Variants in MEF2A observed in about 807,000 individuals in gnomAD.
MEF2A encodes the protein myocyte-specific enhancer factor 2A.
A neutral mutation model predicts 55.8 loss-of-function variants in MEF2A; 28 were observed. The ratio of observed to expected loss-of-function variants is 0.50; its 90% CI spans 0.37 to 0.69. MEF2A has a LOEUF of 0.69. MEF2A is among the 30% of genes least tolerant of loss of function. The pLI is 0.00. For synonymous variants in MEF2A, 239 were observed against 227.1 expected (o/e 1.05, Z -0.47); for missense variants, 528 against 626.2 (o/e 0.84, Z 1.67).
chr15:99,586,768 A>C (rs1421072102), intron 1 of MEF2A, among the ~76,000 whole-genome samples: 1 of 152,142 alleles, frequency 6.6e-6, no homozygotes, highest in African/African-American at 2.4e-5. Context: ...TCAAACTATA[A>C]AACTTTGAGA....
At chr15:99,660,319 C>T (rs1032666914) in intron 4 of MEF2A, among the ~76,000 whole-genome samples, 5 of 152,074 alleles carry the variant, frequency 3.3e-5, no homozygotes, top group African/African-American at 1.2e-4. Flanking sequence ...TCAGAATGAC[C>T]CATTTTCTCT....
chr15:99,661,687 T>G (rs2048667073), intron 4 of MEF2A, among the ~76,000 whole-genome samples: 1 of 152,068 alleles, frequency 6.6e-6, no homozygotes, highest in South Asian at 2.1e-4. Flanking sequence ...CAGGTAGGAA[T>G]GCATATTGAT....
intron 1 of MEF2A, among the ~76,000 whole-genome samples, chr15:99,576,163 T>C (rs527469337): frequency 6.6e-6 from 1 of 152,346 alleles, no homozygotes; most frequent in South Asian, 2.1e-4. Context: ...TTCATTGTTT[T>C]AGAGCCTTTT....
intron 10 of MEF2A, 24 bp downstream of exon 10, chr15:99,706,879 G>C: frequency 3.1e-6 from 5 of 1,608,672 alleles, no homozygotes; most frequent in Non-Finnish European, 4.3e-6. Context: ...GGTGCCTTCC[G>C]TAGGTTTTAC....
At chr15:99,651,045 G>A (rs2046767043) in intron 4 of MEF2A, among the ~76,000 whole-genome samples, 1 of 152,160 alleles carries the variant, frequency 6.6e-6, no homozygotes, top group African/African-American at 2.4e-5. Context: ...CAAAGAGCAA[G>A]CACAAACTGT....
At chr15:99,686,142 T>C (rs977199288) in intron 7 of MEF2A, among the ~76,000 whole-genome samples, 2 of 152,214 alleles carry the variant, frequency 1.3e-5, no homozygotes, top group African/African-American at 4.8e-5. Flanking sequence ...GGTGAGTGTG[T>C]TGAAGACAGC....
rs780027711 is a variant in MEF2A, at chr15:99,712,668, G to A, written c.1415G>A (p.Arg472Gln). The A allele has an allele frequency of 8.3e-6, 13 of 1,557,326 alleles. No homozygotes were observed. Among genetic ancestry groups the A allele is most frequent in the African/African-American group, 1.4e-5 (1 of 73,234 alleles). Residue 472 changes from arginine to glutamine, a missense_variant, in exon 12 of 12, where the codon CGG becomes CAG. By Grantham distance (43) the Arg-to-Gln change is conservative. Around this residue, in one of 2 missense-constraint regions of MEF2A, gnomAD observed 450 missense variants for 475.3 expected, o/e 0.95. Coordinates refer to ENST00000557942, the MANE Select transcript of MEF2A (RefSeq NM_001319206.4). The surrounding 1 kb of genome is among the most constrained non-coding windows in gnomAD (Gnocchi z 4.1). ...SYDGSDREDP[R>Q]GDFHSPIVLG... ...GATGGCAGTGATCGGGAGGATCCAC[G>A]GGGCGACTTCCATTCTCCAATTGTG...
intron 1 of MEF2A, among the ~76,000 whole-genome samples, chr15:99,568,525 A>T (rs573717212): frequency 6.6e-6 from 1 of 152,354 alleles, no homozygotes; most frequent in East Asian, 1.9e-4. Context: ...GGAATATTGA[A>T]TTATATTCTG....
chr15:99,702,263 T>G (rs115596813), intron 8 of MEF2A, among the ~76,000 whole-genome samples: 283 of 152,274 alleles, frequency 1.9e-3, no homozygotes, highest in African/African-American at 5.2e-3. Context: ...CAGAGAAACC[T>G]TCTTCCAGAT....
chr15:99,580,465 T>G (rs1965604726), intron 1 of MEF2A, among the ~76,000 whole-genome samples: 1 of 152,196 alleles, frequency 6.6e-6, no homozygotes, highest in Admixed American at 6.5e-5. Flanking sequence ...CTTTTAGTTA[T>G]GAAAAGACAT....
At chr15:99,686,091 A>ATTT (rs899162917) in intron 7 of MEF2A, among the ~76,000 whole-genome samples, 59 of 151,976 alleles carry the variant, frequency 3.9e-4, no homozygotes, top group African/African-American at 1.3e-3. Flanking sequence ...TTTCTAGTAT[A>ATTT]TTTTTCCACC....
intron 1 of MEF2A, among the ~76,000 whole-genome samples, chr15:99,577,601 A>G (rs1964704882): frequency 6.6e-6 from 1 of 152,238 alleles, no homozygotes; most frequent in Non-Finnish European, 1.5e-5. Context: ...CCAGGAAAGT[A>G]ATACTGGTAT....
At chr15:99,575,206 C>T (rs1963890749) in intron 1 of MEF2A, among the ~76,000 whole-genome samples, 1 of 152,094 alleles carries the variant, frequency 6.6e-6, no homozygotes, top group Admixed American at 6.6e-5. Flanking sequence ...TAATATTGAT[C>T]TTATTGTTTA....
chr15:99,702,429 CTTTTTTTTTT>C (rs11429799), intron 8 of MEF2A, among the ~76,000 whole-genome samples: 1 of 134,348 alleles, frequency 7.4e-6, no homozygotes, highest in East Asian at 2.2e-4. Context: ...AAAAATGTTT[CTTTTTTTTTT>C]TTTTTTTGGA....
intron 9 of MEF2A, among the ~76,000 whole-genome samples, chr15:99,706,413 T>C (rs2290446): frequency 0.054 from 8,246 of 152,310 alleles, 282 homozygotes; most frequent in East Asian, 0.17. Flanking sequence ...TAGGGGAGTC[T>C]GACAGTATTT....
chr15:99,695,541 T>TTGTG (rs3979129), intron 8 of MEF2A, among the ~76,000 whole-genome samples: 1,941 of 144,860 alleles, frequency 0.013, 36 homozygotes, highest in African/African-American at 0.038. Context: ...ATTGTCAGAT[T>TTGTG]TGTGTGTGTG....
intron 7 of MEF2A, among the ~76,000 whole-genome samples, chr15:99,688,281 A>G (rs566105762): frequency 6.6e-6 from 1 of 152,368 alleles, no homozygotes; most frequent in South Asian, 2.1e-4. Flanking sequence ...TGCAACTAAC[A>G]GAAAACTACC....
At chr15:99,606,974 C>T (rs550080971) in intron 2 of MEF2A, among the ~76,000 whole-genome samples, 1 of 152,076 alleles carries the variant, frequency 6.6e-6, no homozygotes, top group Non-Finnish European at 1.5e-5. Flanking sequence ...CAGTGGAGTA[C>T]TTTACAGCTG....
intron 4 of MEF2A, among the ~76,000 whole-genome samples, chr15:99,659,802 G>A (rs978657088): frequency 6.6e-5 from 10 of 152,070 alleles, no homozygotes; most frequent in Non-Finnish European, 1.3e-4. Context: ...ACTTTTTTGA[G>A]CATACATAAT....
Sources: gnomAD v4.1 joint callset for allele counts (sites outside exome capture counted in the v4.1 genomes callset) on GRCh38, gnomAD v4.1.1 for gene constraint, gnomAD v4.1.1 regional missense constraint, Gnocchi (gnomAD v3.1) non-coding constraint, MANE v1.5 for transcripts, NCBI Gene and HGNC (gene_info 2026-07-23, HGNC 2026-07-21) for gene names.